Variants in MBNL2 observed in about 807,000 individuals in gnomAD.
MBNL2 encodes the protein muscleblind-like protein 2.
A neutral mutation model predicts 41.9 loss-of-function variants in MBNL2; 17 were observed. The ratio of observed to expected loss-of-function variants is 0.41; its 90% confidence interval spans 0.28 to 0.61. The LOEUF (loss-of-function observed/expected upper bound fraction) is 0.61, where lower values mean the gene tolerates loss of function less well. Among genes scored for constraint, MBNL2 ranks in the 20% least tolerant of loss-of-function variants. The pLI, the probability that MBNL2 is intolerant of heterozygous loss-of-function variation, is 0.35. For synonymous variants in MBNL2, 195 were observed against 182.9 expected (o/e 1.07, Z -0.53); for missense variants, 336 against 505.6 (o/e 0.66, Z 3.22).
At chr13:97,273,219 A>G (rs545727681) in intron 1 of MBNL2, among the ~76,000 whole-genome samples, 21 of 152,300 alleles carry the variant, frequency 1.4e-4, no homozygotes, top group African/African-American at 5.1e-4. Flanking sequence ...TTTTTCAAAC[A>G]CTAAGTGTGT....
At chr13:97,283,480 A>G (rs2053825676) in intron 2 of MBNL2, among the ~76,000 whole-genome samples, 1 of 152,136 alleles carries the variant, frequency 6.6e-6, no homozygotes, top group Non-Finnish European at 1.5e-5. Context: ...CCTGACCACT[A>G]TGGCCCAAAC....
the MBNL2 span, among the ~76,000 whole-genome samples, chr13:97,156,827 T>C: frequency 6.6e-6 from 1 of 152,300 alleles, no homozygotes; most frequent in East Asian, 1.9e-4. Context: ...AATCAGGTAT[T>C]GTGATGCCTC....
the MBNL2 span, among the ~76,000 whole-genome samples, chr13:97,190,958 G>A: frequency 6.6e-6 from 1 of 151,748 alleles, no homozygotes; most frequent in Non-Finnish European, 1.5e-5. Flanking sequence ...AACACTTAAA[G>A]TTTTAATGAG....
At chr13:97,187,994 A>G in the MBNL2 span, among the ~76,000 whole-genome samples, 2 of 152,164 alleles carry the variant, frequency 1.3e-5, no homozygotes, top group Admixed American at 6.5e-5. Context: ...TTGCTAGAGA[A>G]ATCTGCTGGG....
intron 1 of MBNL2, among the ~76,000 whole-genome samples, chr13:97,242,235 G>T (rs1432818286): frequency 1.3e-5 from 2 of 152,162 alleles, no homozygotes; most frequent in Admixed American, 1.3e-4. Context: ...TTGTGCTTTA[G>T]GGTGTTTAGA....
chr13:97,373,605 A>AAAATATATAT (rs375523597), intron 8 of MBNL2, among the ~76,000 whole-genome samples: 2 of 145,390 alleles, frequency 1.4e-5, no homozygotes, highest in Non-Finnish European at 3.0e-5. Context: ...GTATGCTAAA[A>AAAATATATAT]ATATATATAT....
At chr13:97,283,698 CA>C (rs982051783) in intron 2 of MBNL2, among the ~76,000 whole-genome samples, 5 of 152,096 alleles carry the variant, frequency 3.3e-5, no homozygotes, top group African/African-American at 1.2e-4. Context: ...AAGTCTGAAA[CA>C]TTTAAGAAGG....
chr13:97,212,173 C>T, the MBNL2 span, among the ~76,000 whole-genome samples: 1 of 152,168 alleles, frequency 6.6e-6, no homozygotes. Context: ...GGGACTCAGG[C>T]AAACTAGAGG....
chr13:97,391,342 A>C lies in MBNL2; in HGVS notation c.1069A>C (p.Arg357=), dbSNP rs767585497. The C allele has an allele frequency of 6.6e-7, 1 of 1,524,050 alleles. No homozygotes were observed. The highest frequency in any genetic ancestry group is 9.1e-7 in the Non-Finnish European group (1 of 1,098,346). The allele number at this position is 1,524,050 out of a possible 1,614,324, so 94.4% of individuals were successfully genotyped here. A position where few individuals can be genotyped will look rare whatever the true frequency, so the allele number is the denominator to read the frequency against. ...TSIDNSEIIS[R]NGMECQESAL... is the part of the protein sequence containing the mutation. ...AACAGATAATTCTGAAATAATCAGC[A>C]GAAACGGAATGGAATGCCAAGAATC... Residue 357 remains arginine, a synonymous_variant, in exon 9 of 9, where the codon AGA becomes CGA. Coordinates refer to ENST00000679496, the MANE Select transcript of MBNL2 (RefSeq NM_001382683.1).
chr13:97,272,824 G>A (rs747868922), intron 1 of MBNL2, among the ~76,000 whole-genome samples: 5 of 152,230 alleles, frequency 3.3e-5, no homozygotes, highest in Non-Finnish European at 5.9e-5. Context: ...TACAGTTTTT[G>A]TCAATTCAAA....
At chr13:97,222,142 A>G (rs1271874015), upstream of MBNL2, among the ~76,000 whole-genome samples, 3 of 152,090 alleles carry the variant, frequency 2.0e-5, no homozygotes, top group Non-Finnish European at 4.4e-5. Flanking sequence ...CTTTCTTCTG[A>G]GAGGGAAATT....
intron 8 of MBNL2, among the ~76,000 whole-genome samples, chr13:97,375,830 C>T (rs2064913435): frequency 6.6e-6 from 1 of 152,152 alleles, no homozygotes; most frequent in Admixed American, 6.5e-5. Context: ...GAAGAGAGAA[C>T]AGCTGTGATT....
At chr13:97,306,408 C>T (rs905846416) in intron 2 of MBNL2, among the ~76,000 whole-genome samples, 3 of 152,230 alleles carry the variant, frequency 2.0e-5, no homozygotes, top group Non-Finnish European at 2.9e-5. Flanking sequence ...CTTTTTCTCA[C>T]TTTCTTCAAA....
chr13:97,277,246 G>A (rs1415435033), intron 2 of MBNL2, among the ~76,000 whole-genome samples: 1 of 152,160 alleles, frequency 6.6e-6, no homozygotes, highest in Non-Finnish European at 1.5e-5. Context: ...GCTAATGCTG[G>A]GGGGTGTATT....
Position 97,320,840 on chromosome 13 carries a change from G to A in MBNL2, c.175-13436G>A, listed in dbSNP as rs955218373. On this transcript the variant is annotated intron_variant, in intron 2 of 8. Coordinates refer to ENST00000679496, the MANE Select transcript of MBNL2 (RefSeq NM_001382683.1). ...TGAGGCAGGAGAATCGCTTGAACCCGGGAGGCGGAGGTTGCAGTGAGCCGA... is the reference window on the plus strand; with the variant it reads ...TGAGGCAGGAGAATCGCTTGAACCCAGGAGGCGGAGGTTGCAGTGAGCCGA... 3.9e-5 allele frequency among the ~76,000 whole-genome samples: 6 copies of A among 151,932 alleles called. No individual in the cohort carries two copies. In the South Asian group the frequency reaches 6.3e-4, roughly 16 times the overall value.
chr13:97,377,683 T>C (rs1366348229), intron 8 of MBNL2, among the ~76,000 whole-genome samples: 1 of 152,214 alleles, frequency 6.6e-6, no homozygotes, highest in African/African-American at 2.4e-5. Context: ...ACAGAAGGAA[T>C]TGTTTAAATC....
At chr13:97,324,632 C>G (rs761681567) in intron 2 of MBNL2, among the ~76,000 whole-genome samples, 6 of 152,146 alleles carry the variant, frequency 3.9e-5, no homozygotes, top group Admixed American at 1.3e-4. Context: ...TCGACTCACA[C>G]GATCACAAGG....
chr13:97,196,721 G>A, the MBNL2 span, among the ~76,000 whole-genome samples: 7,666 of 152,130 alleles, frequency 0.05, 253 homozygotes, highest in South Asian at 0.14. Flanking sequence ...CAATTTCTGG[G>A]CACAGAAAGG....
chr13:97,270,293 TA>T (rs770533071), intron 1 of MBNL2, among the ~76,000 whole-genome samples: 27 of 152,206 alleles, frequency 1.8e-4, no homozygotes, highest in Admixed American at 6.5e-4. Context: ...CCCAATATAT[TA>T]AAAATATTAA....
Sources: allele counts gnomAD v4.1 joint callset (sites outside exome capture counted in the v4.1 genomes callset), GRCh38; gene constraint gnomAD v4.1.1; transcripts MANE v1.5; gene names NCBI Gene and HGNC (gene_info 2026-07-23, HGNC 2026-07-21).